Variants in FOLH1 observed in about 807,000 individuals in gnomAD.
FOLH1 encodes the protein glutamate carboxypeptidase 2.
Under a neutral mutation model 93.9 loss-of-function variants are expected in FOLH1, and 54 were observed. The observed-to-expected ratio is 0.57, with a 90% CI of 0.46 to 0.72. The LOEUF (loss-of-function observed/expected upper bound fraction) is 0.72. Among genes scored for constraint, FOLH1 ranks in the 30% least tolerant of loss-of-function variants. The pLI is 0.00. For missense variants in FOLH1, 571 were observed against 892.5 expected (o/e 0.64, Z 4.59); for synonymous variants, 249 against 303.6 (o/e 0.82, Z 1.87).
intron 16 of FOLH1, 69 bp from the exon 17 acceptor site, chr11:49,153,996 A>C: frequency 1.5e-6 from 2 of 1,376,480 alleles, no homozygotes; most frequent in Admixed American, 4.4e-5. Context: ...TCTATAGTTC[A>C]AGAAAAGGAA....
intron 7 of FOLH1, among the ~76,000 whole-genome samples, chr11:49,179,582 A>G (rs1481524152): frequency 6.6e-6 from 1 of 152,212 alleles, no homozygotes; most frequent in Non-Finnish European, 1.5e-5. Context: ...CAACATACCA[A>G]TATTTATGAG....
At chr11:49,165,974 T>C (rs1023748759) in intron 12 of FOLH1, among the ~76,000 whole-genome samples, 3 of 152,214 alleles carry the variant, frequency 2.0e-5, no homozygotes, top group African/African-American at 7.2e-5. Flanking sequence ...CAAATAAATA[T>C]ACTTGTAGCT....
At chr11:49,152,606 G>T (rs1398138351) in intron 17 of FOLH1, among the ~76,000 whole-genome samples, 1 of 151,998 alleles carries the variant, frequency 6.6e-6, no homozygotes, top group Non-Finnish European at 1.5e-5. Flanking sequence ...TATTTGTCTT[G>T]TTTCTTACCG....
chr11:49,195,839 G>GAATAAACTTTAAAT (rs1356007738), intron 3 of FOLH1, among the ~76,000 whole-genome samples: 1 of 152,154 alleles, frequency 6.6e-6, no homozygotes, highest in East Asian at 1.9e-4. Flanking sequence ...TAAAACTTAT[G>GAATAAACTTTAAAT]AAAACTGACA....
In FOLH1 at chr11:49,148,628, T is replaced by A; in HGVS notation, c.2063+11A>T. ...GATATTACAGAAAGGAGTCATATTT[T>A]CTTTTCTTACCTATAAAAAGGCCTG... On this transcript the variant is annotated intron_variant, in intron 18 of 18. Transcript: ENST00000256999. 6.4e-7 allele frequency: 1 copy of A among 1,558,650 alleles called. No individual in the cohort carries two copies. Among genetic ancestry groups the A allele is most frequent in the Non-Finnish European group, 8.7e-7 (1 of 1,151,494 alleles).
rs780613989 is a variant in FOLH1 at position 49,206,146 on chromosome 11, C to A, written c.145G>T (p.Ala49Ser). The A allele has an allele frequency of 1.2e-6, 2 of 1,612,232 alleles. No individual in the cohort carries two copies. Among genetic ancestry groups the A allele is most frequent in the Non-Finnish European group, 1.7e-6 (2 of 1,179,250 alleles). The stretch of plus-strand genomic sequence containing the variant: ...TTATGCTTTGGAGTAATGTTAGTAG[C>A]TTCATTGGAGGATTTTATAAACCAC... ...FGWFIKSSNE[A>S]TNITPKHNMK... The change falls in exon 2 of 19, where the codon GCT becomes TCT. Residue 49 changes from alanine (A) to serine (S), a missense_variant. Around this residue, in one of 2 missense-constraint regions of FOLH1, gnomAD observed 71 missense variants for 69.6 expected, o/e 1.02. Transcript: ENST00000256999.
intron 14 of FOLH1, 105 bp downstream of exon 14, chr11:49,157,847 C>T: frequency 3.7e-6 from 4 of 1,084,278 alleles, no homozygotes; most frequent in Non-Finnish European, 5.2e-6. Flanking sequence ...AGATTTTAGA[C>T]CATTTTGAAA....
At chr11:49,158,155 A>G (rs1477826049) in intron 13 of FOLH1, 112 bp from the exon 14 acceptor site, 33 of 820,188 alleles carry the variant, frequency 4.0e-5, no homozygotes, top group South Asian at 9.2e-5. Flanking sequence ...AAAACAAGGG[A>G]TGCTATCCAT....
intron 17 of FOLH1, among the ~76,000 whole-genome samples, chr11:49,149,731 C>T (rs1420267080): frequency 6.6e-6 from 1 of 152,074 alleles, no homozygotes; most frequent in Non-Finnish European, 1.5e-5. Context: ...ATTTTTTCCA[C>T]ATAAATGAAT....
chr11:49,207,652 T>C (rs1864126881), intron 1 of FOLH1: 2 of 343,306 alleles, frequency 5.8e-6, no homozygotes, highest in African/African-American at 4.3e-5. Context: ...GATAATATTA[T>C]CCTCATCATA....
chr11:49,159,739 G>A (rs1360107059), intron 13 of FOLH1, among the ~76,000 whole-genome samples: 1 of 152,120 alleles, frequency 6.6e-6, no homozygotes, highest in Non-Finnish European at 1.5e-5. Flanking sequence ...GTAGAATTAA[G>A]CTGTGAATCC....
chr11:49,186,825 C>G (rs981498774), intron 4 of FOLH1, 56 bp from the exon 5 acceptor site: 1 of 1,530,842 alleles, frequency 6.5e-7, no homozygotes, highest in African/African-American at 1.4e-5. Context: ...GGAGGTTTTT[C>G]TGCATGGGGA....
At chr11:49,159,270 C>G (rs948256562) in intron 13 of FOLH1, among the ~76,000 whole-genome samples, 1 of 152,146 alleles carries the variant, frequency 6.6e-6, no homozygotes. Context: ...GTGGGTTTGT[C>G]ATATATGGCT....
chr11:49,187,178 G>C (rs556124057), intron 4 of FOLH1, among the ~76,000 whole-genome samples: 2 of 152,124 alleles, frequency 1.3e-5, no homozygotes, highest in Non-Finnish European at 2.9e-5. Flanking sequence ...TAGCTTAATG[G>C]TTCTTAACAA....
At chr11:49,173,332 T>C in intron 10 of FOLH1, 25 bp downstream of exon 10, 1 of 1,597,448 alleles carries the variant, frequency 6.3e-7, no homozygotes, top group Non-Finnish European at 8.5e-7. Context: ...AGGCTGTTTT[T>C]TTTCTTGCTG....
intron 17 of FOLH1, among the ~76,000 whole-genome samples, chr11:49,149,407 C>A (rs1856203817): frequency 6.6e-6 from 1 of 152,112 alleles, no homozygotes; most frequent in Non-Finnish European, 1.5e-5. Flanking sequence ...CACATCTGAT[C>A]TCCCTTGGGT....
At chr11:49,184,059 A>C (rs1861093710) in intron 6 of FOLH1, among the ~76,000 whole-genome samples, 1 of 152,188 alleles carries the variant, frequency 6.6e-6, no homozygotes, top group Admixed American at 6.5e-5. Context: ...ACTTAAGAAA[A>C]ATCAGAGTTG....
At chr11:49,185,013 T>C (rs1427116131) in intron 6 of FOLH1, among the ~76,000 whole-genome samples, 2 of 152,108 alleles carry the variant, frequency 1.3e-5, no homozygotes, top group African/African-American at 4.8e-5. Flanking sequence ...TAACACCCCC[T>C]AGCTTTAGGG....
At chr11:49,168,812 T>G (rs559918117) in intron 12 of FOLH1, among the ~76,000 whole-genome samples, 1 of 152,248 alleles carries the variant, frequency 6.6e-6, no homozygotes, top group Admixed American at 6.5e-5. Flanking sequence ...TATAGAACTC[T>G]TTAGGTCCCT....
Sources: allele counts gnomAD v4.1 joint callset (sites outside exome capture counted in the v4.1 genomes callset), GRCh38; gene constraint gnomAD v4.1.1; regional missense constraint gnomAD v4.1.1; transcripts MANE v1.5; gene names NCBI Gene and HGNC (gene_info 2026-07-23, HGNC 2026-07-21).